SLC22A13: variants seen among roughly 807,000 people sequenced by gnomAD.
SLC22A13 encodes solute carrier family 22 member 13.
SLC22A13 carries 42 observed loss-of-function variants against 49.1 expected under a neutral mutation model. That is an observed-to-expected ratio of 0.85 (90% CI 0.67 to 1.11). The LOEUF (loss-of-function observed/expected upper bound fraction) is 1.11. Among genes scored for constraint, SLC22A13 ranks in the 50% least tolerant of loss-of-function variants. SLC22A13 has a pLI of 0.00. For synonymous variants in SLC22A13, 282 were observed against 293.1 expected (o/e 0.96, Z 0.39); for missense variants, 694 against 712.8 (o/e 0.97, Z 0.30).
chr3:38,271,480 C>T (rs1242717827), intron 1 of SLC22A13, among the ~76,000 whole-genome samples: 4 of 140,482 alleles, frequency 2.8e-5, no homozygotes, highest in African/African-American at 8.1e-5. Flanking sequence ...GTAGGACAAT[C>T]GTTTGAGCTA....
Position 38,276,066 on chromosome 3 carries a change from AT to A in SLC22A13, c.1208del (p.Met403SerfsTer68). ...GGGGACCTTGGTCTTGGGTGGCCTG[AT>A]GTGTATCATCATCATCTTCATCCCA... ...QLGTLVLGGLMCIIIIFIPAD... is the reference protein window; with the variant it reads ...QLGTLVLGGLXCIIIIFIPAD... On this transcript the variant is annotated frameshift_variant, in exon 7 of 10. Transcript: ENST00000311856. LOFTEE classifies it high-confidence loss of function. The A allele has an allele frequency of 6.2e-7, 1 of 1,613,904 alleles. No homozygotes were observed. The highest frequency in any genetic ancestry group is 8.5e-7 in the Non-Finnish European group (1 of 1,179,954).
chr3:38,265,880 T>G lies in SLC22A13; in HGVS notation c.20T>G (p.Val7Gly). Residue 7 changes from valine (V) to glycine (G), a missense_variant, in exon 1 of 10, where the codon GTC (valine) becomes GGC (glycine). Physicochemically the swap from Val to Gly is moderately radical, Grantham distance 109. Transcript: ENST00000311856. ...GCATACATGGCTCAGTTTGTCCAGG[T>G]CCTGGCTGAAATAGGTGACTTTGGT... MAQFVQ[V>G]LAEIGDFGRF... 1.2e-6 allele frequency: 2 copies of G among 1,614,138 alleles called. No homozygotes were observed. Among genetic ancestry groups the G allele is most frequent in the Non-Finnish European group, 1.7e-6 (2 of 1,179,986 alleles).
Position 38,275,903 on chromosome 3 carries a change from C to T in SLC22A13, c.1044C>T (p.Tyr348=). 1 of 1,614,160 alleles carries T rather than the reference C, an allele frequency of 6.2e-7. No individual in the cohort carries two copies. Residue 348 remains tyrosine (Y), a synonymous_variant, in exon 7 of 10, where the codon TAC becomes TAT. Coordinates refer to ENST00000311856, the MANE Select transcript of SLC22A13 (RefSeq NM_004256.4). ...GTAGGTTTGTGGACAGTCTGGGGTA[C>T]TACGGCCTGAGCCTCCAAGTGGGGG... is the stretch of plus-strand genomic sequence containing the variant. ...FCVWFVDSLG[Y]YGLSLQVGDF...
chr3:38,275,285 G>A (rs1703566274), intron 4 of SLC22A13, 85 bp from the exon 5 acceptor site: 6 of 1,597,384 alleles, frequency 3.8e-6, no homozygotes, highest in Non-Finnish European at 4.3e-6. Context: ...TCACAGCTGG[G>A]TGTGGGGTTC....
intron 9 of SLC22A13, 65 bp from the exon 10 acceptor site, chr3:38,277,307 G>T (rs1703599379): frequency 1.6e-5 from 21 of 1,285,634 alleles, no homozygotes; most frequent in Non-Finnish European, 2.3e-5. Flanking sequence ...GAGGAGGGAG[G>T]TGGTGAGGAC....
chr3:38,269,057 C>T (rs905453002), intron 1 of SLC22A13, among the ~76,000 whole-genome samples: 2 of 152,210 alleles, frequency 1.3e-5, no homozygotes, highest in African/African-American at 4.8e-5. Flanking sequence ...AGAGTCATTA[C>T]AAGCATGCCT....
intron 1 of SLC22A13, among the ~76,000 whole-genome samples, chr3:38,267,944 G>T (rs891780817): frequency 2.0e-5 from 3 of 152,174 alleles, no homozygotes; most frequent in African/African-American, 7.2e-5. Context: ...CAGTGGGTGT[G>T]CCTGCAATGG....
At chr3:38,274,491 C>T in intron 2 of SLC22A13, 113 bp from the exon 3 acceptor site, 5 of 1,449,960 alleles carry the variant, frequency 3.4e-6, no homozygotes, top group South Asian at 2.4e-5. Flanking sequence ...TTCCCCCTAC[C>T]CTCAAATGGG....
At chr3:38,273,118 T>TC (rs1424213807) in intron 1 of SLC22A13, among the ~76,000 whole-genome samples, 6 of 151,988 alleles carry the variant, frequency 3.9e-5, no homozygotes, top group Non-Finnish European at 8.8e-5. Flanking sequence ...ACATGACGGT[T>TC]CCCCAACAAA....
chr3:38,276,772 A>AGGAAC, intron 8 of SLC22A13, 140 bp from the exon 9 acceptor site: 2 of 714,438 alleles, frequency 2.8e-6, no homozygotes, highest in Non-Finnish European at 4.7e-6. Flanking sequence ...AGCAGAGAGC[A>AGGAAC]GGAACGCTGG....
rs756916832 is a variant in SLC22A13 at position 38,275,500 on chromosome 3, G to GCAGGCC, written c.927+26_927+31dup. On this transcript the variant is annotated intron_variant, in intron 5 of 9. Transcript: ENST00000311856. ...GGAGCTCATGAACCAGGTACTTCCA[G>GCAGGCC]CAGGCCCAGGCCCAGGCCCAGAATC... The GCAGGCC allele has an allele frequency of 2.2e-5, 36 of 1,614,192 alleles. 1 individual carries two copies. The highest frequency in any genetic ancestry group is 1.6e-4 in the Middle Eastern group (1 of 6,062).
chr3:38,270,114 T>C (rs571064119), intron 1 of SLC22A13, among the ~76,000 whole-genome samples: 310 of 152,228 alleles, frequency 2.0e-3, no homozygotes, highest in Admixed American at 4.1e-3. Context: ...ATCCAGTCTA[T>C]CATTTTTGGA....
chr3:38,275,785 C>G, intron 6 of SLC22A13, 97 bp from the exon 7 acceptor site: 2 of 1,470,478 alleles, frequency 1.4e-6, no homozygotes, highest in Non-Finnish European at 1.9e-6. Flanking sequence ...CCTGGTTGTG[C>G]CAGTGTCCCC....
At position 38,266,157 on chromosome 3, in the gene SLC22A13, C is replaced by T. The variant is rs1409354926; in HGVS notation, c.297C>T (p.Leu99=). ...PPANASLQDI[L]SHRFNETQPC... ...CCAATGCCAGCCTGCAGGACATCCT[C>T]AGCCACCGCTTCAATGAGACGCAGC... Residue 99 remains leucine (L), a synonymous_variant, in exon 1 of 10, where the codon CTC becomes CTT. Transcript: ENST00000311856. The T allele has an allele frequency of 1.9e-6, 3 of 1,614,232 alleles. No homozygotes were observed. The highest frequency in any genetic ancestry group is 2.2e-5 in the East Asian group (1 of 44,884).
intron 7 of SLC22A13, 23 bp from the exon 8 acceptor site, chr3:38,276,264 T>C: frequency 6.3e-7 from 1 of 1,592,662 alleles, no homozygotes; most frequent in Non-Finnish European, 8.6e-7. Context: ...GCCCAGGTGA[T>C]GGGGCTGTCT....
In SLC22A13 at chr3:38,276,922, A is replaced by G. The variant is rs149151258; in HGVS notation, c.1357A>G (p.Met453Val). ...CTGGTCTTCCCCCAGGCAGACAGGC[A>G]TGGGGCTGGTGGGCATCTTCTCACG... ...LFPTILRQTG[M>V]GLVGIFSRIG... Residue 453 changes from methionine to valine, a missense_variant, in exon 9 of 10, where the codon ATG becomes GTG. Met to Val is a conservative substitution (Grantham distance 21). Coordinates refer to ENST00000311856, the MANE Select transcript of SLC22A13 (RefSeq NM_004256.4). 1 of 1,613,690 alleles carries G rather than the reference A, an allele frequency of 6.2e-7. No homozygotes were observed. The highest frequency in any genetic ancestry group is 2.2e-5 in the East Asian group (1 of 44,862).
chr3:38,275,693 G>A, intron 6 of SLC22A13, 21 bp downstream of exon 6: 4 of 1,610,036 alleles, frequency 2.5e-6, no homozygotes, highest in Non-Finnish European at 3.4e-6. Flanking sequence ...AGAACCCGAG[G>A]ACAGAACCAC....
chr3:38,272,282 G>A (rs560551530), intron 1 of SLC22A13, among the ~76,000 whole-genome samples: 29 of 152,364 alleles, frequency 1.9e-4, no homozygotes, highest in Admixed American at 1.7e-3. Flanking sequence ...CTGCCACCAG[G>A]TGAGAGCTTT....
At position 38,278,321 on chromosome 3, in the gene SLC22A13, G is replaced by A. The variant is rs1042955620; in HGVS notation, c.*856G>A. On this transcript the variant is annotated 3_prime_UTR_variant, in exon 10 of 10. Transcript: ENST00000311856. ...TGCACATTGGCTAATGCCAGTTGGT[G>A]TGTTTTGTCAGGCTTCTGAAAGCTG... is the stretch of plus-strand genomic sequence containing the variant. 1 of 152,392 alleles carries A rather than the reference G, an allele frequency of 6.6e-6. No homozygotes were observed. Among genetic ancestry groups the A allele is most frequent in the Non-Finnish European group, 1.5e-5 (1 of 68,174 alleles). 9.4% of individuals were successfully genotyped at this position (152,392 alleles called of 1,614,324 possible).
Sources: gnomAD v4.1 joint callset for allele counts (sites outside exome capture counted in the v4.1 genomes callset) on GRCh38, gnomAD v4.1.1 for gene constraint, MANE v1.5 for transcripts, NCBI Gene and HGNC (gene_info 2026-07-23, HGNC 2026-07-21) for gene names.